The following DST variants were observed in gnomAD, a reference collection of about 807,000 sequenced individuals.
DST encodes dystonin, also known as bullous pemphigoid antigen.
Under a neutral mutation model 875.2 loss-of-function variants are expected in DST, and 253 were observed. The ratio of observed to expected loss-of-function variants is 0.29; its 90% CI spans 0.26 to 0.32. The LOEUF is 0.32. DST is among the 10% of genes least tolerant of loss of function. The probability of loss-of-function intolerance (pLI) is 1.00; values close to 1 mark genes in which losing one functional copy is unlikely to be tolerated. For missense variants in DST, 8,287 were observed against 9,111.6 expected (o/e 0.91, Z 3.68); for synonymous variants, 3,124 against 3,197.1 (o/e 0.98, Z 0.77).
intron 99 of DST, 88 bp downstream of exon 99, chr6:56,465,990 C>T: frequency 1.8e-6 from 2 of 1,090,306 alleles, no homozygotes; most frequent in Non-Finnish European, 1.3e-6. Context: ...GAATAAATGA[C>T]CAAAATTATG....
chr6:56,523,169 C>T (rs576872243), intron 69 of DST, among the ~76,000 whole-genome samples: 3 of 152,020 alleles, frequency 2.0e-5, no homozygotes, highest in African/African-American at 7.2e-5. Flanking sequence ...TATCAATGCC[C>T]GCAAATCTAG....
At chr6:56,940,681 G>C (rs1816085475) in intron 2 of DST, among the ~76,000 whole-genome samples, 1 of 151,868 alleles carries the variant, frequency 6.6e-6, no homozygotes, top group African/African-American at 2.4e-5. Context: ...CTGGGCTCAA[G>C]AGATCCTCCC....
chr6:56,684,392 C>T (rs1238198474), intron 9 of DST, among the ~76,000 whole-genome samples: 1 of 152,128 alleles, frequency 6.6e-6, no homozygotes, highest in African/African-American at 2.4e-5. Flanking sequence ...AAAGCAACAT[C>T]TCTGAAGTTA....
chr6:56,701,020 C>A (rs1352243250), intron 8 of DST, among the ~76,000 whole-genome samples: 4 of 138,896 alleles, frequency 2.9e-5, no homozygotes, highest in Admixed American at 1.5e-4. Flanking sequence ...CATTCTGTTA[C>A]CCCGGCTGGA....
intron 86 of DST, among the ~76,000 whole-genome samples, chr6:56,488,804 T>C (rs999626656): frequency 2.5e-5 from 3 of 121,918 alleles, no homozygotes; most frequent in African/African-American, 9.5e-5. Flanking sequence ...ACTTTATAAA[T>C]AGAATTACAT....
At chr6:56,908,265 T>C (rs1797335723) in intron 2 of DST, among the ~76,000 whole-genome samples, 1 of 152,182 alleles carries the variant, frequency 6.6e-6, no homozygotes. Context: ...CCCTTCATCC[T>C]AGGCTAGAAA....
intron 4 of DST, among the ~76,000 whole-genome samples, chr6:56,790,499 T>C (rs983259700): frequency 2.0e-5 from 3 of 152,168 alleles, no homozygotes; most frequent in African/African-American, 4.8e-5. Context: ...TCTCAGAATA[T>C]CAGATTTATG....
intron 4 of DST, among the ~76,000 whole-genome samples, chr6:56,811,256 GC>G (rs1286011149): frequency 1.4e-5 from 2 of 147,140 alleles, no homozygotes; most frequent in African/African-American, 2.5e-5. Context: ...GAGAGACGAA[GC>G]AGGAAGTACT....
chr6:56,746,986 G>A (rs1344602371), intron 4 of DST, among the ~76,000 whole-genome samples: 2 of 152,184 alleles, frequency 1.3e-5, no homozygotes, highest in Admixed American at 6.5e-5. Context: ...TTGGCGAGCA[G>A]AGGTGAAGGT....
rs1583442835 is a variant in DST, at chr6:56,507,596, A to C, written c.19240-807T>G. Among the ~76,000 whole-genome samples the C allele has an allele frequency of 2.0e-5, 3 of 152,346 alleles. No individual in the cohort carries two copies. In the East Asian group the frequency reaches 5.8e-4, roughly 29 times the overall value. ...AACCCTGAGTGGACTTTGCCAGTAG[A>C]GTGGCAGGAAGGACATTCTAGAGTG... On this transcript the variant is annotated intron_variant, in intron 75 of 103. Coordinates refer to ENST00000680361, the MANE Select transcript of DST (RefSeq NM_001374736.1).
intron 4 of DST, among the ~76,000 whole-genome samples, chr6:56,791,787 C>CAA (rs139051174): frequency 3.1e-4 from 24 of 78,102 alleles, no homozygotes; most frequent in African/African-American, 6.4e-4. Flanking sequence ...GACCCTGTCT[C>CAA]AAAAAAAAAA....
chr6:56,870,255 A>C (rs1776380446), intron 3 of DST, among the ~76,000 whole-genome samples: 1 of 151,996 alleles, frequency 6.6e-6, no homozygotes, highest in African/African-American at 2.4e-5. Context: ...CTAAAATGCT[A>C]ATTAGGCAAA....
Position 56,703,713 on chromosome 6 carries a change from A to G in DST, c.811T>C (p.Leu271=), listed in dbSNP as rs1203017336. The G allele has an allele frequency of 1.0e-6, 1 of 985,332 alleles. No individual in the cohort carries two copies. Among genetic ancestry groups the G allele is most frequent in the Non-Finnish European group, 1.2e-6 (1 of 829,908 alleles). The allele number at this position is 985,332 out of a possible 1,614,324, so 61.0% of individuals were successfully genotyped here. Residue 271 remains leucine, a synonymous_variant, in exon 7 of 104, where the codon TTG becomes CTG. Transcript: ENST00000680361. ...TCGCATGCTTCTGTTGCACTCACCA[A>G]TCGTAAGGTCTTCAAAAAATCTCGC... ...RERDFLKTLR[L]VSATEACEYE...
At chr6:56,482,554 A>G in intron 89 of DST, 129 bp downstream of exon 89, 1 of 868,666 alleles carries the variant, frequency 1.2e-6, no homozygotes, top group Admixed American at 3.0e-5. Flanking sequence ...CAATGTTGCT[A>G]TTAGAATTTC....
intron 49 of DST, among the ~76,000 whole-genome samples, chr6:56,590,588 T>C (rs193216647): frequency 6.6e-6 from 1 of 152,218 alleles, no homozygotes; most frequent in East Asian, 1.9e-4. Context: ...TTAAGATAGA[T>C]TTGTTCTTGT....
chr6:56,657,402 TG>T (rs2152807232), intron 10 of DST, among the ~76,000 whole-genome samples: 1 of 152,242 alleles, frequency 6.6e-6, no homozygotes, highest in African/African-American at 2.4e-5. Flanking sequence ...TAATGAAGCC[TG>T]GAAAAGATAG....
At chr6:56,754,536 C>T (rs751230749) in intron 4 of DST, among the ~76,000 whole-genome samples, 4 of 152,054 alleles carry the variant, frequency 2.6e-5, no homozygotes, top group South Asian at 4.1e-4. Context: ...ACATGGCAAC[C>T]TCATAAATAT....
chr6:56,680,262 G>T (rs192186321), intron 9 of DST, among the ~76,000 whole-genome samples: 3 of 152,236 alleles, frequency 2.0e-5, no homozygotes, highest in Admixed American at 1.3e-4. Context: ...CAAAGTGAGG[G>T]AATTCTTGTT....
Position 56,606,751 on chromosome 6 carries a change from A to G in DST, c.7877T>C (p.Leu2626Ser), listed in dbSNP as rs1173008702. The G allele has an allele frequency of 6.2e-7, 1 of 1,613,352 alleles. No homozygotes were observed. Among genetic ancestry groups the G allele is most frequent in the South Asian group, 1.1e-5 (1 of 91,078 alleles). Residue 2626 changes from leucine to serine, a missense_variant, in exon 40 of 104, where the codon TTG becomes TCG. By Grantham distance (145) the Leu-to-Ser change is moderately radical. This residue lies in a region of DST where 3,138 missense variants were observed against 3,116.6 expected (regional missense o/e 1.01). Coordinates refer to ENST00000680361, the MANE Select transcript of DST (RefSeq NM_001374736.1). ...ATCACGATCATCACCATCAAGAAGC[A>G]AAGAATCATGGTCATCATCTTCAAA... ...PLFEDDDHDS[L>S]LLDGDDRDCL...
Sources: allele counts gnomAD v4.1 joint callset (sites outside exome capture counted in the v4.1 genomes callset), GRCh38; gene constraint gnomAD v4.1.1; regional missense constraint gnomAD v4.1.1; transcripts MANE v1.5; gene names NCBI Gene and HGNC (gene_info 2026-07-23, HGNC 2026-07-21).